PPP1R9A: variants seen among roughly 807,000 people sequenced by gnomAD.
PPP1R9A encodes the protein protein phosphatase 1 regulatory subunit 9A, also known as neurabin-1.
A neutral mutation model predicts 141.9 loss-of-function variants in PPP1R9A; 59 were observed. That is an observed-to-expected ratio of 0.42 (90% CI 0.34 to 0.52). PPP1R9A has a LOEUF of 0.52. Ranked by LOEUF, PPP1R9A falls within the 20% of genes least tolerant of loss-of-function variation. PPP1R9A has a pLI of 0.10. For missense variants in PPP1R9A, 1,444 were observed against 1,611.9 expected, an observed-to-expected ratio of 0.90 and a Z score of 1.78; for synonymous variants, 500 against 569.7, an observed-to-expected ratio of 0.88 and a Z score of 1.74.
At chr7:95,037,967 C>A (rs1248799794) in intron 2 of PPP1R9A, among the ~76,000 whole-genome samples, 1 of 131,568 alleles carries the variant, frequency 7.6e-6, no homozygotes, top group Non-Finnish European at 1.6e-5. Context: ...AAAAAAAAAG[C>A]TAAGTGTGGT....
chr7:95,078,598 C>G (rs1815249897), intron 2 of PPP1R9A, among the ~76,000 whole-genome samples: 1 of 152,182 alleles, frequency 6.6e-6, no homozygotes, highest in Non-Finnish European at 1.5e-5. Context: ...GTCCCAACAA[C>G]AGTGTAAAAG....
chr7:95,109,729 A>G (rs915962718), intron 2 of PPP1R9A, among the ~76,000 whole-genome samples: 1 of 151,984 alleles, frequency 6.6e-6, no homozygotes, highest in Admixed American at 6.6e-5. Context: ...CTGTAATCCT[A>G]GCTACTCAGG....
At position 95,128,844 on chromosome 7, in the gene PPP1R9A, C is replaced by G. The variant is rs1409138933; in HGVS notation, c.1649+8012C>G. ...CCACCCGCCTCGGCCTCCCAAAGTG[C>G]TGGGCTTACAGGCATGAGCCATCAT... is the stretch of plus-strand genomic sequence containing the variant. On this transcript the variant is annotated intron_variant, in intron 4 of 19. Coordinates refer to ENST00000433360, the MANE Select transcript of PPP1R9A (RefSeq NM_001166160.2). 2.2e-4 allele frequency among the ~76,000 whole-genome samples: 33 copies of G among 152,178 alleles called. 1 individual carries two copies. Among genetic ancestry groups the G allele is most frequent in the Non-Finnish European group, 2.9e-5 (2 of 68,030 alleles).
chr7:95,144,847 A>C (rs535512883), intron 4 of PPP1R9A, among the ~76,000 whole-genome samples: 1 of 152,294 alleles, frequency 6.6e-6, no homozygotes, highest in Non-Finnish European at 1.5e-5. Context: ...CATGCACCAA[A>C]ATTTGTTAGA....
At chr7:95,069,106 A>G (rs1813396759) in intron 2 of PPP1R9A, among the ~76,000 whole-genome samples, 1 of 152,216 alleles carries the variant, frequency 6.6e-6, no homozygotes, top group Non-Finnish European at 1.5e-5. Context: ...TGTTTAAGGA[A>G]TAATGACAAG....
intron 2 of PPP1R9A, among the ~76,000 whole-genome samples, chr7:95,016,519 G>A (rs529291566): frequency 6.6e-6 from 1 of 152,016 alleles, no homozygotes; most frequent in Non-Finnish European, 1.5e-5. Flanking sequence ...ACATGCCTAA[G>A]TAGAAGGTAT....
chr7:95,268,651 A>G lies in PPP1R9A; in HGVS notation c.2767A>G (p.Thr923Ala), dbSNP rs1216896379. The G allele has an allele frequency of 1.2e-6, 2 of 1,613,334 alleles. No individual in the cohort carries two copies. Among genetic ancestry groups the G allele is most frequent in the Non-Finnish European group, 1.7e-6 (2 of 1,179,530 alleles). The change falls in exon 13 of 20, where the codon ACA (threonine) becomes GCA (alanine). Residue 923 changes from threonine (T) to alanine (A), a missense_variant. This residue lies in a region of PPP1R9A where 488 missense variants were observed against 542.0 expected (regional missense o/e 0.90). Transcript: ENST00000433360. ...GAACAGACGCCAGAGACCCTCTAGG[A>G]CAAGACTGTATGATAGTGTTAGTTC... is the stretch of plus-strand genomic sequence containing the variant. ...VKNRRQRPSR[T>A]RLYDSVSSTD...
chr7:95,232,338 G>T (rs1796075236), intron 8 of PPP1R9A, among the ~76,000 whole-genome samples: 2 of 152,050 alleles, frequency 1.3e-5, no homozygotes, highest in Admixed American at 6.6e-5. Context: ...ACTGAAACTG[G>T]ACCCCTTCCT....
chr7:95,124,941 G>A (rs529509067), intron 4 of PPP1R9A, among the ~76,000 whole-genome samples: 4 of 152,120 alleles, frequency 2.6e-5, no homozygotes, highest in Non-Finnish European at 4.4e-5. Context: ...AAAATTTGCC[G>A]TGGGTATTTA....
intron 2 of PPP1R9A, among the ~76,000 whole-genome samples, chr7:94,973,843 A>G (rs957810920): frequency 6.6e-6 from 1 of 151,174 alleles, no homozygotes; most frequent in African/African-American, 2.4e-5. Flanking sequence ...TCAGCCTCCC[A>G]AGTAGCTGGA....
At chr7:95,020,638 G>GACAGGC (rs1403572529) in intron 2 of PPP1R9A, among the ~76,000 whole-genome samples, 1 of 151,920 alleles carries the variant, frequency 6.6e-6, no homozygotes, top group East Asian at 1.9e-4. Context: ...CTGTCCCCCA[G>GACAGGC]ACAGGCCCCT....
intron 2 of PPP1R9A, among the ~76,000 whole-genome samples, chr7:95,027,384 C>G (rs1406356195): frequency 4.6e-5 from 7 of 152,174 alleles, no homozygotes; most frequent in Non-Finnish European, 1.5e-5. Context: ...ATGCCCCACC[C>G]TGCTTCGGCT....
intron 2 of PPP1R9A, among the ~76,000 whole-genome samples, chr7:94,918,297 C>T (rs1350070202): frequency 6.6e-6 from 1 of 151,948 alleles, no homozygotes; most frequent in Non-Finnish European, 1.5e-5. Flanking sequence ...ATTTCCCAGT[C>T]ACTTCAGGAA....
intron 2 of PPP1R9A, among the ~76,000 whole-genome samples, chr7:94,984,960 G>A (rs1025227122): frequency 6.6e-6 from 1 of 152,080 alleles, no homozygotes. Context: ...GCTTTCTCTT[G>A]TGGGCATTTA....
intron 2 of PPP1R9A, among the ~76,000 whole-genome samples, chr7:95,016,057 C>G (rs751666239): frequency 1.3e-5 from 2 of 151,942 alleles, no homozygotes; most frequent in Non-Finnish European, 2.9e-5. Flanking sequence ...GACCCTGTCT[C>G]TAAAGAATAA....
chr7:94,934,775 T>A (rs1452824854), intron 2 of PPP1R9A, among the ~76,000 whole-genome samples: 1 of 127,876 alleles, frequency 7.8e-6, no homozygotes, highest in South Asian at 3.2e-4. Flanking sequence ...ATATATTTGA[T>A]GTTAAAAGCT....
intron 2 of PPP1R9A, among the ~76,000 whole-genome samples, chr7:95,052,674 G>T (rs887207198): frequency 6.6e-6 from 1 of 152,104 alleles, no homozygotes; most frequent in African/African-American, 2.4e-5. Context: ...TCTTCCTGCT[G>T]GATATCTCTA....
chr7:95,101,633 A>G (rs1317448587), intron 2 of PPP1R9A, among the ~76,000 whole-genome samples: 2 of 152,324 alleles, frequency 1.3e-5, no homozygotes, highest in South Asian at 2.1e-4. Flanking sequence ...ACAAAGGGTA[A>G]AGAAAGAAAA....
At chr7:95,261,081 A>G (rs1280333896) in intron 12 of PPP1R9A, among the ~76,000 whole-genome samples, 1 of 152,162 alleles carries the variant, frequency 6.6e-6, no homozygotes, top group Non-Finnish European at 1.5e-5. Flanking sequence ...GAGGGATCTA[A>G]AAGTATGAAG....
Sources: allele counts gnomAD v4.1 joint callset (sites outside exome capture counted in the v4.1 genomes callset), GRCh38; gene constraint gnomAD v4.1.1; regional missense constraint gnomAD v4.1.1; transcripts MANE v1.5; gene names NCBI Gene and HGNC (gene_info 2026-07-23, HGNC 2026-07-21).